Variants in FAN1 observed in about 807,000 individuals in gnomAD.
FAN1 encodes the protein FANCD2 and FANCI associated nuclease 1.
Under a neutral mutation model 104.9 loss-of-function variants are expected in FAN1, and 91 were observed. That is an observed-to-expected ratio of 0.87 (90% CI 0.73 to 1.03). The LOEUF is 1.03. Among genes scored for constraint, FAN1 ranks in the 50% least tolerant of loss-of-function variants. FAN1 has a pLI of 0.00. For synonymous variants in FAN1, 478 were observed against 457.6 expected (o/e 1.04, Z -0.57); for missense variants, 1,263 against 1,239.9 (o/e 1.02, Z -0.28).
chr15:30,913,468 A>G (rs1401950185), intron 4 of FAN1, among the ~76,000 whole-genome samples: 1 of 152,202 alleles, frequency 6.6e-6, no homozygotes, highest in African/African-American at 2.4e-5. Flanking sequence ...GCCTTTGATA[A>G]TGACATTTTA....
chr15:30,941,584 T>A lies in FAN1; in HGVS notation c.*22T>A, dbSNP rs1187399127. ...TGCACAGATTCCCTACAGGAGAAAA[T>A]GGAAATGAGGAGGAGAGAAACTCCG... On this transcript the variant is annotated 3_prime_UTR_variant, in exon 15 of 15. Transcript: ENST00000362065. 3 of 1,599,814 alleles carry A rather than the reference T, an allele frequency of 1.9e-6. No individual in the cohort carries two copies. Among genetic ancestry groups the A allele is most frequent in the East Asian group, 4.5e-5 (2 of 44,416 alleles).
chr15:30,917,257 G>T (rs1364638390), intron 5 of FAN1, among the ~76,000 whole-genome samples: 1 of 152,138 alleles, frequency 6.6e-6, no homozygotes, highest in Non-Finnish European at 1.5e-5. Context: ...GGAGGCGTCA[G>T]TGTGTGGGGT....
At chr15:30,939,823 G>T in intron 14 of FAN1, 1 of 985,166 alleles carries the variant, frequency 1.0e-6, no homozygotes, top group Non-Finnish European at 1.2e-6. Context: ...TCTAATCAAG[G>T]ACTGTAAAAT....
Position 30,910,876 on chromosome 15 carries a change from C to G in FAN1, c.1577+61C>G, listed in dbSNP as rs542149631. 402 of 1,544,584 alleles carry G rather than the reference C, an allele frequency of 2.6e-4. 1 individual carries two copies. Among genetic ancestry groups the G allele is most frequent in the Middle Eastern group, 5.3e-4 (3 of 5,634 alleles). On this transcript the variant is annotated intron_variant, in intron 4 of 14. Coordinates refer to ENST00000362065, the MANE Select transcript of FAN1 (RefSeq NM_014967.5). ...AATGTTGATAGCACATATTAACTTA[C>G]AGTAGATTGTATACTTGATTGAACT...
rs142084532 is a variant in FAN1 at position 30,905,266 on chromosome 15, C to T, written c.603C>T (p.Asp201=). ...TTGATAACTCTTCAGAAATTGAGGA[C>T]GAGGATCAAATTTTGGAGAACAGTT... ...SLIDNSSEIE[D]EDQILENSSQ... Residue 201 remains aspartate, a synonymous_variant, in exon 2 of 15, where the codon GAC becomes GAT. Coordinates refer to ENST00000362065, the MANE Select transcript of FAN1 (RefSeq NM_014967.5). 2,893 of 1,613,872 alleles carry T rather than the reference C, an allele frequency of 1.8e-3. 3 individuals are homozygous for T. The highest frequency in any genetic ancestry group is 2.3e-3 in the Non-Finnish European group (2,691 of 1,179,980).
Position 30,927,560 on chromosome 15 carries a change from C to T in FAN1, c.2489-993C>T, listed in dbSNP as rs148543362. The stretch of plus-strand genomic sequence containing the variant: ...GGCTTCCTGCCCTCTGCTCTCACAG[C>T]ACCCCTGATCCCACTCACTGTGGTA... On this transcript the variant is annotated intron_variant, in intron 10 of 14. Coordinates refer to ENST00000362065, the MANE Select transcript of FAN1 (RefSeq NM_014967.5). 4,869 of 985,598 alleles carry T rather than the reference C, an allele frequency of 4.9e-3. 150 individuals carry two copies. The African/African-American group carries it at 0.068, about 14-fold the overall frequency. The allele number at this position is 985,598 out of a possible 1,614,324, so 61.1% of individuals were successfully genotyped here.
chr15:30,908,195 G>A lies in FAN1; in HGVS notation c.1312G>A (p.Glu438Lys). The change falls in exon 3 of 15, where the codon GAG becomes AAG. Residue 438 changes from glutamate to lysine, a missense_variant. Glu to Lys is a moderately conservative substitution (Grantham distance 56). Around this residue, in one of 2 missense-constraint regions of FAN1, gnomAD observed 682 missense variants for 571.1 expected, o/e 1.19. Transcript: ENST00000362065. Reference sequence around the variant, plus strand: ...TAAGATGACCAAATTAGAGTATGAAGAGATTGCCTTAGACTTAACACCTGT... The same window carrying A: ...TAAGATGACCAAATTAGAGTATGAAAAGATTGCCTTAGACTTAACACCTGT... ...WIKMTKLEYEEIALDLTPVIE... is the reference protein window; with the variant it reads ...WIKMTKLEYEKIALDLTPVIE... The A allele has an allele frequency of 2.5e-6, 4 of 1,611,914 alleles. No individual in the cohort carries two copies. The highest frequency in any genetic ancestry group is 1.1e-5 in the South Asian group (1 of 90,280).
Position 30,926,805 on chromosome 15 carries a change from G to A in FAN1, c.2488+866G>A, listed in dbSNP as rs2062475472. 3.0e-6 allele frequency: 3 copies of A among 985,278 alleles called. No individual in the cohort carries two copies. The Admixed American group carries it at 1.8e-4, about 61-fold the overall frequency. 61.0% of individuals were successfully genotyped at this position (985,278 alleles called of 1,614,324 possible). A position where few individuals can be genotyped will look rare whatever the true frequency, so the allele number is the denominator to read the frequency against. On this transcript the variant is annotated intron_variant, in intron 10 of 14. Coordinates refer to ENST00000362065, the MANE Select transcript of FAN1 (RefSeq NM_014967.5). Reference sequence around the variant, plus strand: ...ATGCTTTCAGTTGAGCCATGAGCCTGAAAAACACACGATTCCTTTCCCAGA... The same window carrying A: ...ATGCTTTCAGTTGAGCCATGAGCCTAAAAAACACACGATTCCTTTCCCAGA...
chr15:30,921,418 G>C (rs923801948), intron 7 of FAN1, among the ~76,000 whole-genome samples: 9 of 152,092 alleles, frequency 5.9e-5, no homozygotes, highest in Admixed American at 5.9e-4. Flanking sequence ...GAAATTTGTC[G>C]TATCCTAAAC....
At chr15:30,929,714 T>A (rs12903835) in intron 12 of FAN1, among the ~76,000 whole-genome samples, 1 of 98,642 alleles carries the variant, frequency 1.0e-5, no homozygotes, top group African/African-American at 4.7e-5. Flanking sequence ...ATATCATATA[T>A]AATATATATA....
chr15:30,912,659 A>AAT (rs2062123219), intron 4 of FAN1, among the ~76,000 whole-genome samples: 1 of 152,144 alleles, frequency 6.6e-6, no homozygotes, highest in Admixed American at 6.5e-5. Context: ...TCTGCACCAG[A>AAT]AGGGTGTGAC....
chr15:30,910,960 T>TA (rs1249710494), intron 4 of FAN1, 145 bp downstream of exon 4: 1 of 1,356,286 alleles, frequency 7.4e-7, no homozygotes, highest in African/African-American at 1.5e-5. Context: ...TTAATTGCAA[T>TA]AGCCTGGATT....
At position 30,940,593 on chromosome 15, in the gene FAN1, G is replaced by A. The variant is rs887440090; in HGVS notation, c.*4-973G>A. On this transcript the variant is annotated intron_variant, in intron 14 of 14. Coordinates refer to ENST00000362065, the MANE Select transcript of FAN1 (RefSeq NM_014967.5). ...GCAAGCCTTGTTTGTTTTTGAGGGC[G>A]AGTTTTGGCATAGATGGCACTCTCC... 1.6e-5 allele frequency: 16 copies of A among 985,270 alleles called. No individual in the cohort carries two copies. In the East Asian group the frequency reaches 3.4e-4, roughly 21 times the overall value. 61.0% of individuals were successfully genotyped at this position (985,270 alleles called of 1,614,324 possible).
At chr15:30,929,506 G>A (rs1555402901) in intron 12 of FAN1, 109 bp downstream of exon 12, 11 of 597,788 alleles carry the variant, frequency 1.8e-5, no homozygotes, top group Middle Eastern at 2.8e-4. Context: ...GTAAATACAT[G>A]TATGTGTGTG....
At chr15:30,940,905 G>A (rs2063023697) in intron 14 of FAN1, 3 of 1,031,004 alleles carry the variant, frequency 2.9e-6, no homozygotes, top group Non-Finnish European at 3.5e-6. Context: ...GAAGTTAAAA[G>A]CAAACTCATG....
chr15:30,920,467 C>T (rs2062300511), intron 6 of FAN1, 78 bp from the exon 7 acceptor site: 2 of 919,628 alleles, frequency 2.2e-6, no homozygotes, highest in Admixed American at 2.0e-5. Context: ...GGAATTCAGT[C>T]TGCTTTGTCA....
At chr15:30,926,601 C>G in intron 10 of FAN1, 1 of 984,546 alleles carries the variant, frequency 1.0e-6, no homozygotes, top group Non-Finnish European at 1.2e-6. Flanking sequence ...ATCTTTATTA[C>G]TTACAGGGAA....
intron 14 of FAN1, among the ~76,000 whole-genome samples, chr15:30,938,474 T>C (rs931823706): frequency 1.3e-5 from 2 of 152,214 alleles, no homozygotes; most frequent in African/African-American, 4.8e-5. Context: ...TTGTCCTTCA[T>C]TGTCCATCTC....
At chr15:30,910,521 T>A in intron 3 of FAN1, 93 bp from the exon 4 acceptor site, 1 of 721,534 alleles carries the variant, frequency 1.4e-6, no homozygotes, top group African/African-American at 1.8e-5. Context: ...TAAAATTTTC[T>A]TAGTAGCATT....
Sources: allele counts gnomAD v4.1 joint callset (sites outside exome capture counted in the v4.1 genomes callset), GRCh38; gene constraint gnomAD v4.1.1; regional missense constraint gnomAD v4.1.1; transcripts MANE v1.5; gene names NCBI Gene and HGNC (gene_info 2026-07-23, HGNC 2026-07-21).